Variants in CSMD1 observed in about 807,000 individuals in gnomAD.
The protein encoded by CSMD1 is CUB and sushi domain-containing protein 1.
A neutral mutation model predicts 417.5 loss-of-function variants in CSMD1; 213 were observed. That is an observed-to-expected ratio of 0.51 (90% CI 0.46 to 0.57). The LOEUF (loss-of-function observed/expected upper bound fraction) is 0.57. Among genes scored for constraint, CSMD1 ranks in the 20% least tolerant of loss-of-function variants. The pLI, the probability that CSMD1 is intolerant of heterozygous loss-of-function variation, is 0.00. For synonymous variants in CSMD1, 2,862 were observed against 1,736.8 expected, an observed-to-expected ratio of 1.65 and a Z score of -16.11; for missense variants, 6,923 against 4,529.7, an observed-to-expected ratio of 1.53 and a Z score of -15.17.
chr8:4,928,181 T>C (rs1184279778), intron 1 of CSMD1, among the ~76,000 whole-genome samples: 1 of 152,162 alleles, frequency 6.6e-6, no homozygotes, highest in East Asian at 1.9e-4. Flanking sequence ...CCATTGGCAC[T>C]GCCTGGAGTG....
chr8:3,263,059 A>C (rs1000105894), intron 26 of CSMD1, among the ~76,000 whole-genome samples: 1 of 152,146 alleles, frequency 6.6e-6, no homozygotes, highest in African/African-American at 2.4e-5. Flanking sequence ...TATGTCACCT[A>C]CTTTGTGTAA....
intron 26 of CSMD1, among the ~76,000 whole-genome samples, chr8:3,282,630 A>T (rs1407263809): frequency 6.6e-6 from 1 of 152,084 alleles, no homozygotes; most frequent in East Asian, 1.9e-4. Flanking sequence ...TTACTTTCAT[A>T]TTTTTTGTGA....
At chr8:4,412,068 C>T (rs745689540) in intron 3 of CSMD1, among the ~76,000 whole-genome samples, 1 of 151,376 alleles carries the variant, frequency 6.6e-6, no homozygotes, top group Non-Finnish European at 1.5e-5. Context: ...TGATATAGTT[C>T]AGATATTTCT....
chr8:3,285,356 T>A (rs1199614022), intron 25 of CSMD1, among the ~76,000 whole-genome samples: 1 of 151,674 alleles, frequency 6.6e-6, no homozygotes, highest in Non-Finnish European at 1.5e-5. Flanking sequence ...TAGATCTTTA[T>A]TTTCCTACAT....
intron 3 of CSMD1, among the ~76,000 whole-genome samples, chr8:4,271,543 A>G (rs1354236012): frequency 2.0e-5 from 3 of 151,670 alleles, no homozygotes; most frequent in African/African-American, 7.3e-5. Context: ...ACAAAATACC[A>G]CCATTACAAT....
At chr8:4,066,947 T>G (rs1301433589) in intron 3 of CSMD1, among the ~76,000 whole-genome samples, 2 of 152,222 alleles carry the variant, frequency 1.3e-5, no homozygotes, top group Non-Finnish European at 2.9e-5. Flanking sequence ...ATTGTGTAAA[T>G]ACCCTCAGGG....
At chr8:3,307,532 AAAGT>A (rs1804970023) in intron 25 of CSMD1, among the ~76,000 whole-genome samples, 159 bp downstream of exon 25, 1 of 152,250 alleles carries the variant, frequency 6.6e-6, no homozygotes, top group Non-Finnish European at 1.5e-5. Flanking sequence ...AGGCAACAGC[AAAGT>A]AAGCAAGTGA....
intron 2 of CSMD1, among the ~76,000 whole-genome samples, chr8:4,465,570 C>T (rs1800116011): frequency 6.6e-6 from 1 of 152,118 alleles, no homozygotes. Context: ...AAAGCAATGC[C>T]TGTTTTTCAG....
At chr8:3,087,356 A>G (rs1444129788) in intron 48 of CSMD1, 71 bp from the exon 49 acceptor site, 3 of 1,476,226 alleles carry the variant, frequency 2.0e-6, no homozygotes, top group East Asian at 4.6e-5. Context: ...TGCCTTTGTG[A>G]GAGTCTATAA....
intron 3 of CSMD1, among the ~76,000 whole-genome samples, chr8:4,308,252 A>G (rs565772635): frequency 2.0e-5 from 3 of 151,324 alleles, no homozygotes; most frequent in South Asian, 2.1e-4. Flanking sequence ...AGTTTTTTTT[A>G]TGTGTGTGTG....
intron 25 of CSMD1, among the ~76,000 whole-genome samples, chr8:3,302,134 GAATGATGACAAT>G (rs1434647208): frequency 6.6e-6 from 1 of 152,114 alleles, no homozygotes; most frequent in Admixed American, 6.5e-5. Flanking sequence ...CACAAATAGG[GAATGATGACAAT>G]AATGATGAAA....
At chr8:2,984,666 G>A (rs1805717165) in intron 54 of CSMD1, among the ~76,000 whole-genome samples, 1 of 152,220 alleles carries the variant, frequency 6.6e-6, no homozygotes, top group Non-Finnish European at 1.5e-5. Flanking sequence ...TACTTCATGA[G>A]TGCTGGATGA....
chr8:3,647,776 G>C (rs1002391434), intron 7 of CSMD1, among the ~76,000 whole-genome samples: 2 of 152,228 alleles, frequency 1.3e-5, no homozygotes, highest in Admixed American at 1.3e-4. Flanking sequence ...GAAAGAGTGA[G>C]AGAAAGAGAG....
At chr8:4,749,909 G>T (rs1299647107) in intron 1 of CSMD1, among the ~76,000 whole-genome samples, 3 of 151,980 alleles carry the variant, frequency 2.0e-5, no homozygotes, top group African/African-American at 7.3e-5. Flanking sequence ...TTTGTCTCTA[G>T]ATTGTCAAGC....
intron 1 of CSMD1, among the ~76,000 whole-genome samples, chr8:4,925,449 T>A (rs1282024581): frequency 6.6e-6 from 1 of 152,090 alleles, no homozygotes; most frequent in African/African-American, 2.4e-5. Context: ...GTTAATCATT[T>A]CAAAATCAAC....
chr8:3,846,889 G>A lies in CSMD1; in HGVS notation c.819-92847C>T, dbSNP rs911291419. Among the ~76,000 whole-genome samples, 10 of 152,130 alleles carry A rather than the reference G, an allele frequency of 6.6e-5. No homozygotes were observed. The South Asian group carries it at 1.2e-3, about 19-fold the overall frequency. On this transcript the variant is annotated intron_variant, in intron 5 of 69. Coordinates refer to ENST00000635120, the MANE Select transcript of CSMD1 (RefSeq NM_033225.6). The stretch of plus-strand genomic sequence containing the variant: ...AGGGTTTCATCATGTTGGCCAAGCT[G>A]GTCTCAAACTCCTGACCTTAGGTGA...
At chr8:3,934,680 C>G (rs1323260971) in intron 5 of CSMD1, among the ~76,000 whole-genome samples, 2 of 151,840 alleles carry the variant, frequency 1.3e-5, no homozygotes, top group East Asian at 1.9e-4. Context: ...ATGATGAAAC[C>G]CTGTCTCTAC....
rs111582651 is a variant in CSMD1 at position 4,316,761 on chromosome 8, C to G, written c.415+103192G>C. On this transcript the variant is annotated intron_variant, in intron 3 of 69. Transcript: ENST00000635120. ...AAATAAGAAAGTGGTCGAACGCCCC[C>G]AAAACCCTTTTCAAATCCAGAAGTA... 4.1e-3 allele frequency among the ~76,000 whole-genome samples: 629 copies of G among 152,158 alleles called. 2 individuals are homozygous for G. Among genetic ancestry groups the G allele is most frequent in the Non-Finnish European group, 7.3e-3 (499 of 68,006 alleles).
intron 3 of CSMD1, among the ~76,000 whole-genome samples, chr8:4,083,358 A>G (rs1249251467): frequency 3.3e-5 from 5 of 152,128 alleles, no homozygotes; most frequent in African/African-American, 1.2e-4. Flanking sequence ...CATTTCTCTG[A>G]TGGCCAGTGA....
Sources: gnomAD v4.1 joint callset for allele counts (sites outside exome capture counted in the v4.1 genomes callset) on GRCh38, gnomAD v4.1.1 for gene constraint, MANE v1.5 for transcripts, NCBI Gene and HGNC (gene_info 2026-07-23, HGNC 2026-07-21) for gene names.